Variants in KIAA1328 observed in about 807,000 individuals in gnomAD.
KIAA1328 encodes KIAA1328, also known as protein hinderin.
In KIAA1328, 52 loss-of-function variants were observed where a neutral mutation model predicts 68.1. That is an observed-to-expected ratio of 0.76 (90% confidence interval 0.61 to 0.96). The LOEUF is 0.96. Among genes scored for constraint, KIAA1328 ranks in the 40% least tolerant of loss-of-function variants. The probability of loss-of-function intolerance (pLI) is 0.00; values close to 1 mark genes in which losing one functional copy is unlikely to be tolerated. For missense variants in KIAA1328, 641 were observed against 677.6 expected (o/e 0.95, Z 0.60); for synonymous variants, 232 against 239.4 (o/e 0.97, Z 0.28).
At chr18:37,175,422 T>G (rs2059580314) in intron 9 of KIAA1328, among the ~76,000 whole-genome samples, 1 of 152,174 alleles carries the variant, frequency 6.6e-6, no homozygotes, top group Admixed American at 6.5e-5. Context: ...TTACAGACTT[T>G]AAAAAAGGAT....
chr18:36,995,327 T>A (rs1568267869), intron 6 of KIAA1328, among the ~76,000 whole-genome samples: 1 of 152,178 alleles, frequency 6.6e-6, no homozygotes, highest in African/African-American at 2.4e-5. Context: ...ATGGAGTATA[T>A]GTGCCACATT....
intron 5 of KIAA1328, among the ~76,000 whole-genome samples, chr18:36,922,354 C>A (rs1180731091): frequency 6.6e-6 from 1 of 152,170 alleles, no homozygotes; most frequent in Non-Finnish European, 1.5e-5. Flanking sequence ...CCACCTTCCC[C>A]AATACCATCT....
Position 37,224,771 on chromosome 18 carries a change from C to T in KIAA1328, c.*2544C>T. On this transcript the variant is annotated 3_prime_UTR_variant, in exon 10 of 10. Transcript: ENST00000280020. ...TCCAGCCTCTAGACACTTCCCAAAG[C>T]AAGACTGGACACATGCCGAGGGCGT... is the stretch of plus-strand genomic sequence containing the variant. The T allele has an allele frequency of 1.0e-6, 1 of 985,390 alleles. No homozygotes were observed. Among genetic ancestry groups the T allele is most frequent in the African/African-American group, 1.7e-5 (1 of 57,326 alleles). 61.0% of individuals were successfully genotyped at this position (985,390 alleles called of 1,614,324 possible).
intron 4 of KIAA1328, among the ~76,000 whole-genome samples, chr18:36,860,954 G>C (rs1353150272): frequency 6.6e-6 from 1 of 152,014 alleles, no homozygotes; most frequent in African/African-American, 2.4e-5. Flanking sequence ...CCTTCCCCTA[G>C]CTTTGTCTAA....
At chr18:37,122,516 AG>A (rs1053383288) in intron 7 of KIAA1328, among the ~76,000 whole-genome samples, 10 of 152,112 alleles carry the variant, frequency 6.6e-5, no homozygotes, top group African/African-American at 2.4e-4. Flanking sequence ...AATACAGGAG[AG>A]GGTATTATTG....
intron 6 of KIAA1328, among the ~76,000 whole-genome samples, chr18:36,981,850 CCA>C (rs1355302971): frequency 6.6e-6 from 1 of 150,760 alleles, no homozygotes; most frequent in Non-Finnish European, 1.5e-5. Flanking sequence ...ACCTCAGCCT[CCA>C]GAAGTGCTGG....
intron 7 of KIAA1328, among the ~76,000 whole-genome samples, chr18:37,146,290 G>T (rs2058897922): frequency 1.3e-5 from 2 of 151,946 alleles, no homozygotes; most frequent in African/African-American, 4.8e-5. Context: ...CCCTCTTTGT[G>T]TCCATGTGTT....
chr18:36,849,246 T>G lies in KIAA1328; in HGVS notation c.332+4944T>G, dbSNP rs557466730. ...TTCTATAGCCATGAATTTTACCACATCATTTAAGTGAAAATAATATGTGTG... is the reference window on the plus strand; with the variant it reads ...TTCTATAGCCATGAATTTTACCACAGCATTTAAGTGAAAATAATATGTGTG... On this transcript the variant is annotated intron_variant, in intron 4 of 9. Transcript: ENST00000280020. Among the ~76,000 whole-genome samples, 3 of 152,058 alleles carry G rather than the reference T, an allele frequency of 2.0e-5. No homozygotes were observed. In the East Asian group the frequency reaches 5.8e-4, roughly 29 times the overall value.
intron 7 of KIAA1328, among the ~76,000 whole-genome samples, chr18:37,119,354 G>A (rs889991072): frequency 6.6e-6 from 1 of 152,054 alleles, no homozygotes; most frequent in Non-Finnish European, 1.5e-5. Flanking sequence ...GTCGGCTTGG[G>A]TTTCCACAAC....
At chr18:36,840,219 G>A (rs1356818801) in intron 3 of KIAA1328, among the ~76,000 whole-genome samples, 1 of 152,240 alleles carries the variant, frequency 6.6e-6, no homozygotes, top group East Asian at 1.9e-4. Flanking sequence ...CAATTCCAGT[G>A]ATCATTCTGT....
chr18:36,928,266 C>G (rs1451414594), intron 5 of KIAA1328, among the ~76,000 whole-genome samples: 9 of 152,022 alleles, frequency 5.9e-5, no homozygotes, highest in Admixed American at 5.9e-4. Flanking sequence ...AAGGTCTTGA[C>G]CCCTTTGGGT....
chr18:36,942,266 G>T (rs2050743126), intron 5 of KIAA1328, among the ~76,000 whole-genome samples: 1 of 152,212 alleles, frequency 6.6e-6, no homozygotes, highest in Non-Finnish European at 1.5e-5. Context: ...TTTTCTGCCT[G>T]CACCTGGTGT....
At chr18:37,057,856 A>T (rs1441902358) in intron 6 of KIAA1328, among the ~76,000 whole-genome samples, 1 of 152,196 alleles carries the variant, frequency 6.6e-6, no homozygotes, top group Non-Finnish European at 1.5e-5. Flanking sequence ...CAGCTATGAC[A>T]AGGATCTCAT....
intron 6 of KIAA1328, among the ~76,000 whole-genome samples, chr18:36,972,957 G>A (rs1319559044): frequency 6.6e-6 from 1 of 152,196 alleles, no homozygotes; most frequent in Non-Finnish European, 1.5e-5. Flanking sequence ...TTTGTCTGTT[G>A]TGTGAATATA....
intron 5 of KIAA1328, among the ~76,000 whole-genome samples, chr18:36,956,350 C>G (rs748017829): frequency 2.6e-5 from 4 of 152,204 alleles, no homozygotes; most frequent in African/African-American, 4.8e-5. Flanking sequence ...TTGGTGTACA[C>G]TTTCCCTTAA....
intron 6 of KIAA1328, among the ~76,000 whole-genome samples, chr18:37,025,581 G>A (rs80285279): frequency 5.9e-5 from 9 of 152,214 alleles, no homozygotes; most frequent in Admixed American, 3.3e-4. Context: ...ACTCAAAACC[G>A]CTCAACTACA....
At chr18:37,166,396 A>G (rs2059390016) in intron 8 of KIAA1328, among the ~76,000 whole-genome samples, 1 of 152,146 alleles carries the variant, frequency 6.6e-6, no homozygotes, top group South Asian at 2.1e-4. Context: ...GCCCAACACA[A>G]ATTTGTAAAC....
intron 6 of KIAA1328, among the ~76,000 whole-genome samples, chr18:36,999,663 G>A (rs2053517623): frequency 6.6e-6 from 1 of 152,136 alleles, no homozygotes; most frequent in African/African-American, 2.4e-5. Context: ...ACCTGGGACT[G>A]CTGTATCCAG....
chr18:36,960,935 G>C (rs2051640819), intron 6 of KIAA1328, among the ~76,000 whole-genome samples: 1 of 152,174 alleles, frequency 6.6e-6, no homozygotes, highest in South Asian at 2.1e-4. Flanking sequence ...CTCCTCGCCA[G>C]CAATGGAACA....
Sources: allele counts gnomAD v4.1 joint callset (sites outside exome capture counted in the v4.1 genomes callset), GRCh38; gene constraint gnomAD v4.1.1; transcripts MANE v1.5; gene names NCBI Gene and HGNC (gene_info 2026-07-23, HGNC 2026-07-21).